Variants in DCAF6 observed in about 807,000 individuals in gnomAD.
DCAF6 encodes the protein DDB1- and CUL4-associated factor 6.
Under a neutral mutation model 125.1 loss-of-function variants are expected in DCAF6, and 54 were observed. That is an observed-to-expected ratio of 0.43 (90% confidence interval 0.35 to 0.54). The LOEUF (loss-of-function observed/expected upper bound fraction) is 0.54. Among genes scored for constraint, DCAF6 ranks in the 20% least tolerant of loss-of-function variants. DCAF6 has a pLI of 0.01. For missense variants in DCAF6, 934 were observed against 1,161.7 expected (o/e 0.80, Z 2.85); for synonymous variants, 371 against 390.4 (o/e 0.95, Z 0.58).
intron 8 of DCAF6, 114 bp downstream of exon 8, chr1:168,002,689 A>G (rs1682809697): frequency 7.2e-6 from 5 of 697,402 alleles, no homozygotes; most frequent in African/African-American, 1.8e-5. Context: ...TTATACATAT[A>G]GGTATACTTA....
chr1:167,899,191 A>G, the DCAF6 span, among the ~76,000 whole-genome samples: 1 of 152,218 alleles, frequency 6.6e-6, no homozygotes, highest in Non-Finnish European at 1.5e-5. Context: ...CAAATTCCAT[A>G]TCCTCAGTTA....
Position 168,065,525 on chromosome 1 carries a change from G to A in DCAF6, c.2440-65G>A, listed in dbSNP as rs370952. On this transcript the variant is annotated intron_variant, in intron 18 of 21. Transcript: ENST00000367840. ...TTAAAACAAATAAAAAAATGTAAGA[G>A]TAGCATAAATCTTTGTTTTAATAAC... is the stretch of plus-strand genomic sequence containing the variant. 0.035 allele frequency: 38,823 copies of A among 1,115,576 alleles called. 4,268 individuals carry two copies. The African/African-American group carries it at 0.35, about 10-fold the overall frequency. The allele number at this position is 1,115,576 out of a possible 1,614,324, so 69.1% of individuals were successfully genotyped here.
intron 2 of DCAF6, among the ~76,000 whole-genome samples, chr1:167,964,592 C>G (rs1197771369): frequency 6.6e-6 from 1 of 152,140 alleles, no homozygotes; most frequent in African/African-American, 2.4e-5. Flanking sequence ...TTCTCACATT[C>G]ATTTGGAGGA....
At chr1:168,068,986 T>C (rs1313786580) in intron 21 of DCAF6, among the ~76,000 whole-genome samples, 4 of 152,172 alleles carry the variant, frequency 2.6e-5, no homozygotes, top group African/African-American at 9.7e-5. Context: ...ATAAGCAGAA[T>C]ATATTTATCA....
intron 21 of DCAF6, among the ~76,000 whole-genome samples, 166 bp downstream of exon 21, chr1:168,068,629 C>G (rs1013587095): frequency 2.0e-5 from 3 of 152,138 alleles, no homozygotes; most frequent in African/African-American, 7.2e-5. Flanking sequence ...GGCACAGTAA[C>G]TTAGTTCCTC....
intron 20 of DCAF6, among the ~76,000 whole-genome samples, 160 bp downstream of exon 20, chr1:168,066,625 CT>C (rs1692368010): frequency 6.6e-6 from 1 of 152,024 alleles, no homozygotes; most frequent in African/African-American, 2.4e-5. Flanking sequence ...AAAAGGATGT[CT>C]ATAATACTAG....
chr1:167,940,642 C>G (rs560545031), intron 1 of DCAF6, among the ~76,000 whole-genome samples: 1 of 152,166 alleles, frequency 6.6e-6, no homozygotes, highest in East Asian at 1.9e-4. Context: ...TTATTAGCCA[C>G]ACAGATTTTA....
the DCAF6 span, among the ~76,000 whole-genome samples, chr1:167,922,873 T>TA: frequency 1.3e-5 from 2 of 152,098 alleles, no homozygotes; most frequent in Non-Finnish European, 2.9e-5. Flanking sequence ...TTGATTAAAT[T>TA]AAAAAACAGG....
rs1035054117 is a variant in DCAF6 at position 168,075,514 on chromosome 1, T to C, written c.*79T>C. The C allele has an allele frequency of 1.6e-6, 2 of 1,268,214 alleles. No individual in the cohort carries two copies. The highest frequency in any genetic ancestry group is 5.9e-5 in the Admixed American group (2 of 34,046). 78.6% of individuals were successfully genotyped at this position (1,268,214 alleles called of 1,614,324 possible). ...TTATATTTTTTTCTTTACAGAGCTT[T>C]AGTGCAATTTTAAGGTTATGGTTTT... On this transcript the variant is annotated 3_prime_UTR_variant, in exon 22 of 22. Transcript: ENST00000367840.
At chr1:168,019,352 A>T (rs73026184) in intron 11 of DCAF6, among the ~76,000 whole-genome samples, 12,027 of 152,232 alleles carry the variant, frequency 0.079, 580 homozygotes, top group Middle Eastern at 0.092. Context: ...CCAGCCAATA[A>T]TGTACTATCT....
chr1:168,075,352 C>G lies in DCAF6; in HGVS notation c.2792-19C>G. 2 of 1,583,748 alleles carry G rather than the reference C, an allele frequency of 1.3e-6. No individual in the cohort carries two copies. The highest frequency in any genetic ancestry group is 1.7e-6 in the Non-Finnish European group (2 of 1,171,392). ...ACTAAAAGTATTTCTCTTTGCGATT[C>G]TCTTATCTGTGTTTCCAGACCGGTT... On this transcript the variant is annotated intron_variant, in intron 21 of 21. Coordinates refer to ENST00000367840, the MANE Select transcript of DCAF6 (RefSeq NM_001198956.2).
At chr1:167,960,747 G>A (rs1675463814) in intron 2 of DCAF6, among the ~76,000 whole-genome samples, 1 of 152,120 alleles carries the variant, frequency 6.6e-6, no homozygotes, top group Non-Finnish European at 1.5e-5. Context: ...CTCAAATATG[G>A]TCTGTCTTGG....
At chr1:168,064,020 T>G (rs77187510) in intron 18 of DCAF6, 26,384 of 189,432 alleles carry the variant, frequency 0.14, 2,320 homozygotes, top group East Asian at 0.21. Flanking sequence ...CTTTTGTTTT[T>G]TTTTTTTTTT....
At chr1:167,873,034 C>T in the DCAF6 span, among the ~76,000 whole-genome samples, 4 of 151,792 alleles carry the variant, frequency 2.6e-5, no homozygotes, top group African/African-American at 9.7e-5. Flanking sequence ...CGCGCCACTG[C>T]ACTCCAGCCT....
intron 10 of DCAF6, among the ~76,000 whole-genome samples, chr1:168,009,782 AT>A (rs1379380725): frequency 6.7e-6 from 1 of 149,190 alleles, no homozygotes; most frequent in Non-Finnish European, 1.5e-5. Flanking sequence ...TCTTGCTGAA[AT>A]TTTATTCTCT....
At chr1:168,050,049 A>G (rs1271335889) in intron 16 of DCAF6, among the ~76,000 whole-genome samples, 1 of 134,316 alleles carries the variant, frequency 7.4e-6, no homozygotes, top group African/African-American at 3.1e-5. Flanking sequence ...CTCAAGAGAA[A>G]ACCTAAATTA....
the DCAF6 span, chr1:167,918,044 A>C: frequency 7.1e-6 from 2 of 283,570 alleles, no homozygotes; most frequent in Non-Finnish European, 1.3e-5. Flanking sequence ...ATGTTGGCTG[A>C]CTGGAACAGA....
intron 10 of DCAF6, among the ~76,000 whole-genome samples, chr1:168,009,417 T>A (rs1375375655): frequency 7.0e-6 from 1 of 143,050 alleles, no homozygotes; most frequent in Non-Finnish European, 1.5e-5. Flanking sequence ...CTCTCTCTTT[T>A]GTTTCTTTCT....
chr1:167,982,574 G>T (rs1387184076), intron 4 of DCAF6, among the ~76,000 whole-genome samples: 1 of 152,126 alleles, frequency 6.6e-6, no homozygotes, highest in Non-Finnish European at 1.5e-5. Flanking sequence ...TTCGTCAGGT[G>T]CATAGTTGGC....
Sources: allele counts gnomAD v4.1 joint callset (sites outside exome capture counted in the v4.1 genomes callset), GRCh38; gene constraint gnomAD v4.1.1; transcripts MANE v1.5; gene names NCBI Gene and HGNC (gene_info 2026-07-23, HGNC 2026-07-21).